Variants in COL18A1 observed in about 807,000 individuals in gnomAD.
COL18A1 encodes the protein collagen type XVIII alpha 1 chain, also known as collagen alpha-1(XVIII) chain.
Under a neutral mutation model 168.0 loss-of-function variants are expected in COL18A1, and 133 were observed. The observed-to-expected ratio is 0.79, with a 90% CI of 0.69 to 0.91. COL18A1 has a LOEUF of 0.91. COL18A1 is among the 40% of genes least tolerant of loss of function. The pLI is 0.00. For synonymous variants in COL18A1, 949 were observed against 809.0 expected (o/e 1.17, Z -2.94); for missense variants, 2,126 against 1,925.4 (o/e 1.10, Z -1.95).
intron 2 of COL18A1, among the ~76,000 whole-genome samples, chr21:45,452,942 G>A (rs1461795351): frequency 6.6e-6 from 1 of 152,000 alleles, no homozygotes; most frequent in East Asian, 1.9e-4. Context: ...TGACATGTGA[G>A]CATGTATGTA....
chr21:45,489,948 T>TGCC (rs2036249052), intron 19 of COL18A1, among the ~76,000 whole-genome samples: 1 of 36,290 alleles, frequency 2.8e-5, no homozygotes, highest in Non-Finnish European at 5.1e-5. Flanking sequence ...CCTCCCCCAC[T>TGCC]TCCCCCTGCC....
intron 2 of COL18A1, among the ~76,000 whole-genome samples, chr21:45,428,687 G>A (rs914677432): frequency 3.9e-5 from 6 of 152,090 alleles, no homozygotes; most frequent in African/African-American, 9.7e-5. Context: ...GGTTCTGGAC[G>A]TTCATGCAGG....
rs1419785586 is a variant in COL18A1 at position 45,443,764 on chromosome 21, C to T, written c.107-24478C>T. Among the ~76,000 whole-genome samples, 1 of 152,174 alleles carries T rather than the reference C, an allele frequency of 6.6e-6. No homozygotes were observed. The highest frequency in any genetic ancestry group is 1.9e-4 in the East Asian group (1 of 5,194). On this transcript the variant is annotated intron_variant, in intron 2 of 41. Coordinates refer to ENST00000651438, the MANE Select transcript of COL18A1 (RefSeq NM_001379500.1). The surrounding 1 kb of genome is among the most constrained non-coding windows in gnomAD (Gnocchi z 5.2). ...AGAGTCTTTATGAGAGCAATGCGGC[C>T]CCGTGCCCCTTTACGCGGCTCTGCT...
chr21:45,426,429 C>G (rs531547679), intron 2 of COL18A1, among the ~76,000 whole-genome samples: 1 of 152,246 alleles, frequency 6.6e-6, no homozygotes, highest in South Asian at 2.1e-4. Context: ...GAGAGGGCAG[C>G]CCCTGGTTCA....
chr21:45,449,728 G>A (rs2034580474), intron 2 of COL18A1, among the ~76,000 whole-genome samples: 1 of 152,152 alleles, frequency 6.6e-6, no homozygotes. Flanking sequence ...CCCAGGCCTG[G>A]CCACCCGGCC....
chr21:45,420,353 C>T (rs900841809), intron 2 of COL18A1: 3 of 152,266 alleles, frequency 2.0e-5, no homozygotes, highest in Non-Finnish European at 2.9e-5. Flanking sequence ...TAACGGGAGC[C>T]ACTGCGAGGA....
chr21:45,490,524 C>T (rs1388495819), intron 20 of COL18A1, among the ~76,000 whole-genome samples, 178 bp downstream of exon 20: 1 of 107,476 alleles, frequency 9.3e-6, no homozygotes, highest in African/African-American at 4.4e-5. Context: ...GTGCCCACTC[C>T]CGGGTCTCTG....
chr21:45,428,042 G>A (rs780187722), intron 2 of COL18A1, among the ~76,000 whole-genome samples: 31 of 152,192 alleles, frequency 2.0e-4, no homozygotes, highest in East Asian at 1.9e-4. Context: ...CCCACTGCTC[G>A]CGCCGGCCAA....
At chr21:45,486,381 C>T (rs559609227) in intron 15 of COL18A1, among the ~76,000 whole-genome samples, 1 of 126,582 alleles carries the variant, frequency 7.9e-6, no homozygotes, top group East Asian at 2.4e-4. Flanking sequence ...TCTCCTCTCT[C>T]CTCTCTTCTC....
Position 45,498,122 on chromosome 21 carries a change from T to G in COL18A1, c.2683+461T>G. On this transcript the variant is annotated intron_variant, in intron 32 of 41. Coordinates refer to ENST00000651438, the MANE Select transcript of COL18A1 (RefSeq NM_001379500.1). This position sits in a 1 kb window ranked among gnomAD's most constrained non-coding sequence, Gnocchi z 4.5. ...CCCCTGCTCCCCCAAAGGACAAGAA[T>G]TCCCCCCTGAGCCCCACCTCCATTG... 3.2e-6 allele frequency: 2 copies of G among 631,146 alleles called. No individual in the cohort carries two copies. Among genetic ancestry groups the G allele is most frequent in the African/African-American group, 1.8e-5 (1 of 54,742 alleles). 39.1% of individuals were successfully genotyped at this position (631,146 alleles called of 1,614,324 possible). A position where few individuals can be genotyped will look rare whatever the true frequency, so the allele number is the denominator to read the frequency against.
chr21:45,411,905 G>T (rs569374896), intron 2 of COL18A1, among the ~76,000 whole-genome samples: 11 of 152,272 alleles, frequency 7.2e-5, no homozygotes, highest in African/African-American at 2.6e-4. Context: ...TGCTAATTTG[G>T]TTGATGGAAA....
At chr21:45,501,309 G>A (rs1407390981) in intron 32 of COL18A1, among the ~76,000 whole-genome samples, 2 of 152,030 alleles carry the variant, frequency 1.3e-5, no homozygotes, top group Admixed American at 6.5e-5. Flanking sequence ...CATTATAGGG[G>A]GACTTTCAGC....
At chr21:45,467,121 G>A (rs2035240104) in intron 2 of COL18A1, 34 of 604,458 alleles carry the variant, frequency 5.6e-5, no homozygotes, top group Non-Finnish European at 6.4e-5. Flanking sequence ...TGCAAAGCCC[G>A]GGCTCTGCCT....
intron 4 of COL18A1, among the ~76,000 whole-genome samples, chr21:45,474,489 G>A (rs972270588): frequency 6.7e-6 from 1 of 150,074 alleles, no homozygotes; most frequent in South Asian, 2.1e-4. Flanking sequence ...CTGTGTGTGT[G>A]GTGTGTCTCT....
rs1240877172 is a variant in COL18A1, at chr21:45,443,614, C to G, written c.107-24628C>G. ...TGTTCTCCGACAGGCGGCCCTTTTTCTCCCACGTGGGCGAAAAGTGAAGCC... is the reference window on the plus strand; with the variant it reads ...TGTTCTCCGACAGGCGGCCCTTTTTGTCCCACGTGGGCGAAAAGTGAAGCC... On this transcript the variant is annotated intron_variant, in intron 2 of 41. Coordinates refer to ENST00000651438, the MANE Select transcript of COL18A1 (RefSeq NM_001379500.1). This position sits in a 1 kb window ranked among gnomAD's most constrained non-coding sequence, Gnocchi z 5.2. Among the ~76,000 whole-genome samples the G allele has an allele frequency of 1.3e-5, 2 of 152,274 alleles. No individual in the cohort carries two copies. Among genetic ancestry groups the G allele is most frequent in the East Asian group, 3.9e-4 (2 of 5,170 alleles).
intron 26 of COL18A1, 64 bp from the exon 27 acceptor site, chr21:45,494,481 C>CA (rs1251309362): frequency 1.5e-5 from 24 of 1,611,346 alleles, no homozygotes; most frequent in Non-Finnish European, 1.9e-5. Flanking sequence ...CAGGGGCCCT[C>CA]AGAGAGGCTG....
At position 45,504,566 on chromosome 21, in the gene COL18A1, A is replaced by G; in HGVS notation, c.2868+10A>G. On this transcript the variant is annotated intron_variant, in intron 34 of 41. Transcript: ENST00000651438. ...CTACCCTGGGATTCCAGTAAGTCCC[A>G]GCCTGTGCAGGCAGAGCCCATGTCC... 1 of 1,565,980 alleles carries G rather than the reference A, an allele frequency of 6.4e-7. No homozygotes were observed. Among genetic ancestry groups the G allele is most frequent in the Non-Finnish European group, 8.6e-7 (1 of 1,156,986 alleles).
Position 45,428,000 on chromosome 21 carries a change from T to G in COL18A1, c.106+22527T>G, listed in dbSNP as rs530625017. 4.0e-4 allele frequency among the ~76,000 whole-genome samples: 61 copies of G among 152,256 alleles called. No individual in the cohort carries two copies. In the South Asian group the frequency reaches 0.01, roughly 26 times the overall value. ...TGCAGAGCCGGGAGGACACGAGGCC[T>G]CCTGGGTCACAGCCAACGCAGCCTA... is the stretch of plus-strand genomic sequence containing the variant. On this transcript the variant is annotated intron_variant, in intron 2 of 41. Transcript: ENST00000651438.
Position 45,474,271 on chromosome 21 carries a change from C to G in COL18A1, c.738+290C>G, listed in dbSNP as rs930935372. Among the ~76,000 whole-genome samples the G allele has an allele frequency of 4.1e-3, 610 of 148,456 alleles. 6 individuals are homozygous for G. Among genetic ancestry groups the G allele is most frequent in the African/African-American group, 0.015 (591 of 38,510 alleles). On this transcript the variant is annotated intron_variant, in intron 4 of 41. Coordinates refer to ENST00000651438, the MANE Select transcript of COL18A1 (RefSeq NM_001379500.1). ...GCAAAGTGTGTGTGTGTGTCTGTGT[C>G]TGTGTGGTGTGTCTCTGTGTCTTGT...
Sources: allele counts gnomAD v4.1 joint callset (sites outside exome capture counted in the v4.1 genomes callset), GRCh38; gene constraint gnomAD v4.1.1; non-coding constraint Gnocchi (gnomAD v3.1); transcripts MANE v1.5; gene names NCBI Gene and HGNC (gene_info 2026-07-23, HGNC 2026-07-21).